DNAH9: variants seen among roughly 807,000 people sequenced by gnomAD.
DNAH9 encodes dynein axonemal heavy chain 9.
Under a neutral mutation model 471.6 loss-of-function variants are expected in DNAH9, and 345 were observed. The ratio of observed to expected loss-of-function variants is 0.73; its 90% CI spans 0.67 to 0.80. The LOEUF is 0.80. Ranked by LOEUF, DNAH9 falls within the 30% of genes least tolerant of loss-of-function variation. DNAH9 has a pLI of 0.00. For missense variants in DNAH9, 5,407 were observed against 5,609.2 expected (o/e 0.96, Z 1.15); for synonymous variants, 2,093 against 2,123.6 (o/e 0.99, Z 0.40).
In DNAH9 at chr17:11,690,189, G is replaced by A. The variant is rs1231272030; in HGVS notation, c.4367G>A (p.Arg1456Gln). Residue 1456 changes from arginine (R) to glutamine (Q), a missense_variant, in exon 20 of 69, where the codon CGG becomes CAG. By Grantham distance (43) the Arg-to-Gln change is conservative. Coordinates refer to ENST00000262442, the MANE Select transcript of DNAH9 (RefSeq NM_001372.4). ...GAATTCCAGTATGAGCCCCACCCAC[G>A]GACCAATGTCCCCCTCCTGTGCTCT... ...GMEFQYEPHP[R>Q]TNVPLLCSDE... 1.7e-5 allele frequency: 28 copies of A among 1,614,060 alleles called. No individual in the cohort carries two copies. Among genetic ancestry groups the A allele is most frequent in the South Asian group, 4.4e-5 (4 of 91,080 alleles).
At position 11,753,328 on chromosome 17, in the gene DNAH9, G is replaced by A. The variant is rs10521186; in HGVS notation, c.6738+368G>A. ...ATATTGAAGATCAGAAACATTCCAA[G>A]CCTGTCAAACATCTTTCATGGTGTC... On this transcript the variant is annotated intron_variant, in intron 33 of 68. Transcript: ENST00000262442. Among the ~76,000 whole-genome samples the A allele has an allele frequency of 5.1e-3, 772 of 152,234 alleles. 36 individuals carry two copies. The South Asian group carries it at 0.11, about 22-fold the overall frequency.
chr17:11,884,335 G>A (rs138302917), intron 56 of DNAH9: 2 of 261,140 alleles, frequency 7.7e-6, no homozygotes, highest in African/African-American at 2.2e-5. Context: ...GTGAGGACTA[G>A]AAGACGGGGT....
intron 57 of DNAH9, 122 bp from the exon 58 acceptor site, chr17:11,891,651 CACCG>C: frequency 9.0e-7 from 1 of 1,115,770 alleles, no homozygotes; most frequent in Admixed American, 2.3e-5. Flanking sequence ...AGGCATGAGC[CACCG>C]TGCCTGGCCT....
At chr17:11,930,765 C>A (rs1205624244) in intron 63 of DNAH9, among the ~76,000 whole-genome samples, 89 of 125,130 alleles carry the variant, frequency 7.1e-4, no homozygotes, top group African/African-American at 8.2e-4. Context: ...ACTCCATCTC[C>A]AAAAAAAAAA....
intron 26 of DNAH9, among the ~76,000 whole-genome samples, chr17:11,716,177 G>A (rs564604001): frequency 8.1e-4 from 118 of 146,448 alleles, no homozygotes; most frequent in Non-Finnish European, 1.4e-3. Context: ...TCTGCCTCCC[G>A]GGTTTAAGCA....
rs896367289 is a variant in DNAH9 at position 11,763,079 on chromosome 17, C to T, written c.6996-361C>T. On this transcript the variant is annotated intron_variant, in intron 35 of 68. Transcript: ENST00000262442. The stretch of plus-strand genomic sequence containing the variant: ...CCGTTGAGGTGCTTTTTGACAATTG[C>T]AGAAAGTGTGAAATGAGCGAAAAAG... Among the ~76,000 whole-genome samples, 6 of 152,054 alleles carry T rather than the reference C, an allele frequency of 3.9e-5. No individual in the cohort carries two copies. In the South Asian group the frequency reaches 1.2e-3, roughly 32 times the overall value.
At chr17:11,948,095 A>G (rs759589784) in intron 67 of DNAH9, among the ~76,000 whole-genome samples, 3 of 151,350 alleles carry the variant, frequency 2.0e-5, no homozygotes, top group Non-Finnish European at 4.4e-5. Flanking sequence ...CAAACGTGTG[A>G]TGGCATCAGG....
intron 28 of DNAH9, among the ~76,000 whole-genome samples, chr17:11,732,971 G>A (rs1422501750): frequency 1.3e-5 from 2 of 152,180 alleles, no homozygotes; most frequent in Admixed American, 6.5e-5. Flanking sequence ...CCAAACAAAT[G>A]CTCCAGTCTC....
At chr17:11,801,465 G>A (rs1010630840) in intron 43 of DNAH9, among the ~76,000 whole-genome samples, 3 of 152,150 alleles carry the variant, frequency 2.0e-5, no homozygotes, top group Non-Finnish European at 2.9e-5. Context: ...CGATGCGGGT[G>A]GATCACCTGA....
rs1336397781 is a variant in DNAH9, at chr17:11,854,080, G to A, written c.9585G>A (p.Leu3195=). ...VSNVSAAVMV[L]MAPRGRVPKD... The stretch of plus-strand genomic sequence containing the variant: ...ATGTCAGCGCTGCGGTGATGGTACT[G>A]ATGGCTCCCAGGGGTAGGGTGCCCA... The change falls in exon 50 of 69, where the codon CTG becomes CTA. Residue 3195 remains leucine (L), a synonymous_variant. Transcript: ENST00000262442. The A allele has an allele frequency of 5.0e-6, 8 of 1,614,194 alleles. No homozygotes were observed. The highest frequency in any genetic ancestry group is 4.5e-5 in the East Asian group (2 of 44,878).
At chr17:11,658,980 G>A (rs1597445562) in intron 14 of DNAH9, among the ~76,000 whole-genome samples, 1 of 152,026 alleles carries the variant, frequency 6.6e-6, no homozygotes, top group African/African-American at 2.4e-5. Flanking sequence ...TTGTTTCGGT[G>A]TTAAGATTAT....
At chr17:11,674,736 G>A (rs1424779631) in intron 17 of DNAH9, among the ~76,000 whole-genome samples, 3 of 147,624 alleles carry the variant, frequency 2.0e-5, no homozygotes, top group African/African-American at 7.4e-5. Flanking sequence ...TTCTTCTTTT[G>A]TCTTGTTAAA....
At chr17:11,637,492 G>A (rs1207443094) in intron 9 of DNAH9, among the ~76,000 whole-genome samples, 1 of 152,156 alleles carries the variant, frequency 6.6e-6, no homozygotes, top group African/African-American at 2.4e-5. Context: ...TAGTATCTCA[G>A]GAGGCTGAGG....
chr17:11,608,505 T>A (rs2072557590), intron 2 of DNAH9, among the ~76,000 whole-genome samples, 180 bp downstream of exon 2: 1 of 152,240 alleles, frequency 6.6e-6, no homozygotes. Context: ...TTACCCTGGT[T>A]ACTCCCTGGC....
intron 1 of DNAH9, 42 bp from the exon 2 acceptor site, chr17:11,608,087 A>G (rs377304070): frequency 2.7e-6 from 4 of 1,457,092 alleles, no homozygotes; most frequent in Non-Finnish European, 3.7e-6. Context: ...AGTTCTCAGA[A>G]TTGGAACACC....
At position 11,719,558 on chromosome 17, in the gene DNAH9, T is replaced by C. The variant is rs2075019934; in HGVS notation, c.5709+68T>C. The C allele has an allele frequency of 2.7e-6, 4 of 1,474,832 alleles. No homozygotes were observed. The Admixed American group carries it at 5.3e-5, about 20-fold the overall frequency. 91.4% of individuals were successfully genotyped at this position (1,474,832 alleles called of 1,614,324 possible). A position where few individuals can be genotyped will look rare whatever the true frequency, so the allele number is the denominator to read the frequency against. On this transcript the variant is annotated intron_variant, in intron 27 of 68. Transcript: ENST00000262442. ...GGAACTCAGGGCACCAAATCAAGGC[T>C]AAGACGCATCCGTGCCACCCTGACC...
intron 38 of DNAH9, among the ~76,000 whole-genome samples, chr17:11,776,284 T>A (rs1033979741): frequency 6.6e-6 from 1 of 151,938 alleles, no homozygotes; most frequent in Non-Finnish European, 1.5e-5. Context: ...TGTTAAGATA[T>A]TTGCTGTTCT....
chr17:11,692,981 A>G (rs2074359412), intron 20 of DNAH9, among the ~76,000 whole-genome samples: 1 of 146,730 alleles, frequency 6.8e-6, no homozygotes, highest in Non-Finnish European at 1.5e-5. Flanking sequence ...TCTCGGCTCA[A>G]TACAACCTCC....
intron 68 of DNAH9, among the ~76,000 whole-genome samples, chr17:11,967,826 A>G (rs928990332): frequency 1.3e-5 from 2 of 152,240 alleles, no homozygotes; most frequent in African/African-American, 2.4e-5. Context: ...AATAGACTTT[A>G]TAAGGTAAAA....
Sources: allele counts gnomAD v4.1 joint callset (sites outside exome capture counted in the v4.1 genomes callset), GRCh38; gene constraint gnomAD v4.1.1; transcripts MANE v1.5; gene names NCBI Gene and HGNC (gene_info 2026-07-23, HGNC 2026-07-21).